Variants in SCARA5 observed in about 807,000 individuals in gnomAD.
SCARA5 encodes the protein scavenger receptor class A, member 5 (putative).
In SCARA5, 45 loss-of-function variants were observed where a neutral mutation model predicts 46.3. The observed-to-expected ratio is 0.97, with a 90% CI of 0.76 to 1.24. SCARA5 has a LOEUF of 1.24. Ranked by LOEUF, SCARA5 falls within the 50% of genes most tolerant of loss-of-function variation. SCARA5 has a pLI of 0.00. For synonymous variants in SCARA5, 333 were observed against 306.5 expected (o/e 1.09, Z -0.90); for missense variants, 680 against 689.0 (o/e 0.99, Z 0.15).
chr8:27,959,373 C>T (rs1414645602), intron 3 of SCARA5, among the ~76,000 whole-genome samples: 1 of 152,234 alleles, frequency 6.6e-6, no homozygotes, highest in East Asian at 1.9e-4. Context: ...CACCTGGAGC[C>T]TGTTGGGAGG....
rs763376306 is a variant in SCARA5, at chr8:27,879,566, T to C, written c.1351+3A>G. ...CATGTTTTTTGCCCTCAGAGCGCCT[T>C]ACCTTGCCCGAATCGAGCTGTGCGG... is the stretch of plus-strand genomic sequence containing the variant. On this transcript the variant is annotated splice_donor_region_variant and intron_variant, in intron 8 of 8. Coordinates refer to ENST00000354914, the MANE Select transcript of SCARA5 (RefSeq NM_173833.6). 8 of 1,605,504 alleles carry C rather than the reference T, an allele frequency of 5.0e-6. No homozygotes were observed. In the East Asian group the frequency reaches 1.3e-4, roughly 27 times the overall value.
intron 3 of SCARA5, among the ~76,000 whole-genome samples, chr8:27,926,430 CA>C (rs1473583317): frequency 6.6e-6 from 1 of 151,640 alleles, no homozygotes; most frequent in East Asian, 1.9e-4. Flanking sequence ...GGGAACATCA[CA>C]CACCGGGGCC....
intron 1 of SCARA5, among the ~76,000 whole-genome samples, chr8:27,990,748 G>A (rs540399314): frequency 6.6e-6 from 1 of 152,330 alleles, no homozygotes; most frequent in Non-Finnish European, 1.5e-5. Flanking sequence ...GGGATCCTGG[G>A]ACTGAGGCAG....
Position 27,879,714 on chromosome 8 carries a change from G to T in SCARA5, c.1206C>A (p.His402Gln). The T allele has an allele frequency of 1.9e-6, 3 of 1,612,986 alleles. No individual in the cohort carries two copies. The highest frequency in any genetic ancestry group is 2.5e-6 in the Non-Finnish European group (3 of 1,180,002). ...MIRLVNGSGPHEGRVEVYHDR... is the reference protein window; with the variant it reads ...MIRLVNGSGPQEGRVEVYHDR... The stretch of plus-strand genomic sequence containing the variant: ...CGTGGTACACTTCCACGCGGCCCTC[G>T]TGCGGACCTGAGCCATTCACCAGGC... The change falls in exon 8 of 9, where the codon CAC (histidine) becomes CAA (glutamine). Residue 402 changes from histidine to glutamine, a missense_variant. By Grantham distance (24) the His-to-Gln change is conservative (BLOSUM62 0). This residue lies in a region of SCARA5 where 219 missense variants were observed against 269.5 expected (regional missense o/e 0.81). Coordinates refer to ENST00000354914, the MANE Select transcript of SCARA5 (RefSeq NM_173833.6).
At chr8:27,889,824 C>A (rs1176026152) in intron 7 of SCARA5, among the ~76,000 whole-genome samples, 1 of 152,162 alleles carries the variant, frequency 6.6e-6, no homozygotes, top group Non-Finnish European at 1.5e-5. Context: ...CGATTGCACG[C>A]AGGGGAAGGA....
chr8:27,919,145 G>A (rs1371151797), intron 4 of SCARA5, among the ~76,000 whole-genome samples: 2 of 135,116 alleles, frequency 1.5e-5, no homozygotes, highest in African/African-American at 2.8e-5. Flanking sequence ...GAAGGAAGAA[G>A]GGGATGGGAA....
chr8:27,988,868 A>G (rs114121688), intron 1 of SCARA5, among the ~76,000 whole-genome samples: 1,830 of 152,240 alleles, frequency 0.012, 34 homozygotes, highest in African/African-American at 0.042. Flanking sequence ...CAGGCCCAGT[A>G]TGGAGCAAAC....
chr8:27,916,673 G>A (rs1444150440), intron 4 of SCARA5, among the ~76,000 whole-genome samples: 2 of 152,150 alleles, frequency 1.3e-5, no homozygotes, highest in East Asian at 1.9e-4. Context: ...TGGTAAATAC[G>A]TTCAGATATA....
At chr8:27,974,901 T>C (rs1436796552) in intron 2 of SCARA5, among the ~76,000 whole-genome samples, 1 of 128,656 alleles carries the variant, frequency 7.8e-6, no homozygotes, top group African/African-American at 2.9e-5. Context: ...TATATCATCC[T>C]GGTCATCATC....
At chr8:27,901,986 C>A (rs1047445647) in intron 7 of SCARA5, among the ~76,000 whole-genome samples, 1 of 152,144 alleles carries the variant, frequency 6.6e-6, no homozygotes, top group Non-Finnish European at 1.5e-5. Flanking sequence ...CTTTGTTCTA[C>A]GATTCCTCTG....
In SCARA5 at chr8:27,873,870, C is replaced by T. The variant is rs542306388; in HGVS notation, c.1352-1800G>A. On this transcript the variant is annotated intron_variant, in intron 8 of 8. Coordinates refer to ENST00000354914, the MANE Select transcript of SCARA5 (RefSeq NM_173833.6). ...ACCCCGTCTCTACTAAAAACCCCGT[C>T]TCTACCCCGTCTCTACCAAAAACAC... is the stretch of plus-strand genomic sequence containing the variant. Among the ~76,000 whole-genome samples, 10 of 152,114 alleles carry T rather than the reference C, an allele frequency of 6.6e-5. No individual in the cohort carries two copies. The South Asian group carries it at 2.1e-3, about 32-fold the overall frequency.
chr8:27,893,514 C>T (rs151157798), intron 7 of SCARA5, among the ~76,000 whole-genome samples: 4 of 151,718 alleles, frequency 2.6e-5, no homozygotes, highest in African/African-American at 9.7e-5. Context: ...ACCCCAGATG[C>T]CCCTGAACCC....
chr8:27,900,951 T>C (rs946358777), intron 7 of SCARA5, among the ~76,000 whole-genome samples: 2 of 151,814 alleles, frequency 1.3e-5, no homozygotes, highest in Non-Finnish European at 2.9e-5. Flanking sequence ...CTGGGTGATT[T>C]TGGGGATTCC....
chr8:27,902,208 G>C (rs749781259), intron 7 of SCARA5, among the ~76,000 whole-genome samples: 6 of 152,100 alleles, frequency 3.9e-5, no homozygotes, highest in Non-Finnish European at 8.8e-5. Context: ...GTAGCTCTTC[G>C]AGGCAGGAAA....
At chr8:27,924,302 A>T (rs918414170) in intron 3 of SCARA5, among the ~76,000 whole-genome samples, 1 of 152,218 alleles carries the variant, frequency 6.6e-6, no homozygotes, top group African/African-American at 2.4e-5. Context: ...CAATGAGAAA[A>T]ATCAGATGGA....
chr8:27,911,431 G>A (rs1019196317), intron 4 of SCARA5, among the ~76,000 whole-genome samples: 52 of 152,288 alleles, frequency 3.4e-4, no homozygotes, highest in Non-Finnish European at 1.0e-4. Context: ...AGTGGCTCAT[G>A]CCCGTAATCC....
intron 4 of SCARA5, among the ~76,000 whole-genome samples, chr8:27,916,156 A>G (rs956569276): frequency 1.3e-5 from 2 of 152,244 alleles, no homozygotes; most frequent in African/African-American, 4.8e-5. Context: ...CAAAAACTGT[A>G]TAACAAAGTA....
At chr8:27,891,727 C>T (rs1008827581) in intron 7 of SCARA5, among the ~76,000 whole-genome samples, 4 of 152,176 alleles carry the variant, frequency 2.6e-5, no homozygotes, top group Non-Finnish European at 5.9e-5. Flanking sequence ...CTCCTTTCTG[C>T]TTTTTGTAAT....
intron 4 of SCARA5, among the ~76,000 whole-genome samples, chr8:27,914,837 G>C (rs1209040618): frequency 6.6e-6 from 1 of 152,150 alleles, no homozygotes; most frequent in African/African-American, 2.4e-5. Context: ...CTTCCCAGTG[G>C]GACGAAGGGT....
Sources: gnomAD v4.1 joint callset for allele counts (sites outside exome capture counted in the v4.1 genomes callset) on GRCh38, gnomAD v4.1.1 for gene constraint, gnomAD v4.1.1 regional missense constraint, MANE v1.5 for transcripts, NCBI Gene and HGNC (gene_info 2026-07-23, HGNC 2026-07-21) for gene names.